The following CDK5RAP2 variants were observed in gnomAD, a reference collection of about 807,000 sequenced individuals.
CDK5RAP2 encodes the protein CDK5 regulatory subunit associated protein 2.
In CDK5RAP2, 147 loss-of-function variants were observed where a neutral mutation model predicts 232.9. That is an observed-to-expected ratio of 0.63 (90% confidence interval 0.55 to 0.72). CDK5RAP2 has a LOEUF of 0.72. CDK5RAP2 is among the 30% of genes least tolerant of loss of function. The pLI, the probability that CDK5RAP2 is intolerant of heterozygous loss-of-function variation, is 0.00. For synonymous variants in CDK5RAP2, 833 were observed against 833.7 expected, an observed-to-expected ratio of 1.00 and a Z score of 0.01; for missense variants, 2,195 against 2,231.5, an observed-to-expected ratio of 0.98 and a Z score of 0.33.
intron 10 of CDK5RAP2, among the ~76,000 whole-genome samples, chr9:120,527,476 AT>A (rs2131898150): frequency 6.6e-6 from 1 of 151,260 alleles, no homozygotes; most frequent in East Asian, 1.9e-4. Context: ...CTATCTCAAT[AT>A]TTTTACTGAT....
At chr9:120,482,467 A>AG (rs2038374498) in intron 14 of CDK5RAP2, among the ~76,000 whole-genome samples, 2 of 152,164 alleles carry the variant, frequency 1.3e-5, no homozygotes, top group Non-Finnish European at 2.9e-5. Flanking sequence ...TCAGAGTCCC[A>AG]GGGGGAATGC....
At chr9:120,564,389 C>G (rs2042569080) in intron 3 of CDK5RAP2, among the ~76,000 whole-genome samples, 1 of 151,050 alleles carries the variant, frequency 6.6e-6, no homozygotes, top group South Asian at 2.1e-4. Context: ...ACTAGGGAGG[C>G]TGAAGCAGGA....
intron 1 of CDK5RAP2, among the ~76,000 whole-genome samples, chr9:120,577,576 T>C (rs1441068016): frequency 6.6e-6 from 1 of 152,236 alleles, no homozygotes; most frequent in Non-Finnish European, 1.5e-5. Context: ...AGATGGAATG[T>C]ATGCAGTATC....
intron 3 of CDK5RAP2, among the ~76,000 whole-genome samples, chr9:120,561,191 G>A: frequency 6.6e-6 from 1 of 152,182 alleles, no homozygotes; most frequent in Admixed American, 6.5e-5. Context: ...AGTAAAGAGG[G>A]GAGGATACTT....
At chr9:120,480,016 C>T (rs1036098933) in intron 14 of CDK5RAP2, among the ~76,000 whole-genome samples, 4 of 152,180 alleles carry the variant, frequency 2.6e-5, no homozygotes, top group African/African-American at 9.7e-5. Context: ...GAAAAAAATA[C>T]AATCCTTTAT....
At chr9:120,556,881 T>G (rs2042247792) in intron 3 of CDK5RAP2, among the ~76,000 whole-genome samples, 2 of 152,186 alleles carry the variant, frequency 1.3e-5, no homozygotes, top group African/African-American at 4.8e-5. Flanking sequence ...ACTGGTAGGT[T>G]CATTAGCACC....
intron 25 of CDK5RAP2, among the ~76,000 whole-genome samples, chr9:120,434,380 C>T (rs569589880): frequency 7.3e-5 from 11 of 151,706 alleles, no homozygotes; most frequent in African/African-American, 1.7e-4. Context: ...GCAGCCAGGG[C>T]GATGGTACAG....
At chr9:120,572,113 T>C (rs1183819024) in intron 1 of CDK5RAP2, 72 bp from the exon 2 acceptor site, 5 of 1,164,236 alleles carry the variant, frequency 4.3e-6, no homozygotes, top group East Asian at 2.3e-5. Context: ...CGGTCTGGAC[T>C]GCACATGACA....
At chr9:120,441,016 G>A (rs1399790257) in intron 23 of CDK5RAP2, among the ~76,000 whole-genome samples, 3 of 152,204 alleles carry the variant, frequency 2.0e-5, no homozygotes, top group Non-Finnish European at 4.4e-5. Context: ...CAGAAGTGGA[G>A]TAGTACAGCA....
intron 14 of CDK5RAP2, among the ~76,000 whole-genome samples, chr9:120,485,054 T>C (rs2131602908): frequency 6.6e-6 from 1 of 152,206 alleles, no homozygotes; most frequent in Admixed American, 6.5e-5. Context: ...TTGCAATTCA[T>C]CTTGTAGAAC....
At chr9:120,459,883 T>C (rs2036986147) in intron 19 of CDK5RAP2, among the ~76,000 whole-genome samples, 1 of 152,200 alleles carries the variant, frequency 6.6e-6, no homozygotes, top group South Asian at 2.1e-4. Context: ...CTGTAGCATC[T>C]TACCCCCACC....
rs770547701 is a variant in CDK5RAP2, at chr9:120,439,719, T to C, written c.3402A>G (p.Gln1134=). 22 of 1,614,122 alleles carry C rather than the reference T, an allele frequency of 1.4e-5. No individual in the cohort carries two copies. Among genetic ancestry groups the C allele is most frequent in the Non-Finnish European group, 1.5e-5 (18 of 1,180,048 alleles). Residue 1134 remains glutamine (Q), a synonymous_variant, in exon 24 of 38, where the codon CAA becomes CAG. Transcript: ENST00000349780. ...TGGCCTCACTGCACTGGGAGTGCTT[T>C]TGAAGCTGAAATATGAAATTCTGGT... is the stretch of plus-strand genomic sequence containing the variant. ...EGYQNFIFQL[Q]KHSQCSEAII...
intron 13 of CDK5RAP2, among the ~76,000 whole-genome samples, chr9:120,488,036 C>T (rs1390224029): frequency 6.6e-6 from 1 of 152,186 alleles, no homozygotes; most frequent in East Asian, 1.9e-4. Flanking sequence ...ACTGGCTGAA[C>T]CCTTCAGAAG....
Position 120,528,741 on chromosome 9 carries a change from T to C in CDK5RAP2, c.879+3A>G, listed in dbSNP as rs780646491. On this transcript the variant is annotated splice_donor_region_variant and intron_variant, in intron 9 of 37. Transcript: ENST00000349780. ...TACATTTTTTAAAATTGTATCAACA[T>C]ACCTGGATCCTCTCTTCAAAGCTGT... is the stretch of plus-strand genomic sequence containing the variant. 1.3e-6 allele frequency: 2 copies of C among 1,580,412 alleles called. No individual in the cohort carries two copies. The highest frequency in any genetic ancestry group is 1.7e-6 in the Non-Finnish European group (2 of 1,148,964).
Position 120,408,382 on chromosome 9 carries a change from T to C in CDK5RAP2, c.4691A>G (p.Tyr1564Cys), listed in dbSNP as rs979590267. ...LQSLRVELKA[Y>C]EKLDEEHRRL... ...CCTGTGCTCTTCATCCAGCTTCTCA[T>C]ACGCCTTCAGCTCCACTCGGAGAGA... Residue 1564 changes from tyrosine (Y) to cysteine (C), a missense_variant, in exon 31 of 38, where the codon TAT becomes TGT. Tyr to Cys is a radical substitution (Grantham distance 194). Coordinates refer to ENST00000349780, the MANE Select transcript of CDK5RAP2 (RefSeq NM_018249.6). 3 of 1,614,158 alleles carry C rather than the reference T, an allele frequency of 1.9e-6. No individual in the cohort carries two copies. The highest frequency in any genetic ancestry group is 1.7e-6 in the Non-Finnish European group (2 of 1,180,026).
At chr9:120,425,226 A>C (rs1421623089) in intron 25 of CDK5RAP2, among the ~76,000 whole-genome samples, 5 of 152,162 alleles carry the variant, frequency 3.3e-5, no homozygotes, top group African/African-American at 1.2e-4. Context: ...GCAACAACTC[A>C]ACAACAACTG....
At position 120,419,945 on chromosome 9, in the gene CDK5RAP2, G is replaced by C. The variant is rs778964124; in HGVS notation, c.4020C>G (p.Asn1340Lys). 1 of 1,613,818 alleles carries C rather than the reference G, an allele frequency of 6.2e-7. No individual in the cohort carries two copies. The highest frequency in any genetic ancestry group is 8.5e-7 in the Non-Finnish European group (1 of 1,179,722). The change falls in exon 27 of 38, where the codon AAC (asparagine) becomes AAG (lysine). Residue 1340 changes from asparagine (N) to lysine (K), a missense_variant. Transcript: ENST00000349780. Reference sequence around the variant, plus strand: ...CAGGCAGAAGATGTTGGTAGGTTAAGTTGTCTTCCTCAATCCTTAACCATT... The same window carrying C: ...CAGGCAGAAGATGTTGGTAGGTTAACTTGTCTTCCTCAATCCTTAACCATT... ...NELMERIEEDNLTYQHLLPES... is the reference protein window; with the variant it reads ...NELMERIEEDKLTYQHLLPES...
chr9:120,527,785 C>T (rs749037965), intron 10 of CDK5RAP2, 21 bp downstream of exon 10: 1 of 1,612,138 alleles, frequency 6.2e-7, no homozygotes, highest in East Asian at 2.2e-5. Flanking sequence ...AAAAATCTTA[C>T]TTCAAGTGTA....
intron 36 of CDK5RAP2, 130 bp from the exon 37 acceptor site, chr9:120,389,917 C>A: frequency 1.3e-6 from 1 of 796,598 alleles, no homozygotes; most frequent in Non-Finnish European, 2.2e-6. Flanking sequence ...AGGTCTGAAG[C>A]ATCCAGACCA....
Sources: gnomAD v4.1 joint callset for allele counts (sites outside exome capture counted in the v4.1 genomes callset) on GRCh38, gnomAD v4.1.1 for gene constraint, MANE v1.5 for transcripts, NCBI Gene and HGNC (gene_info 2026-07-23, HGNC 2026-07-21) for gene names.